ARHGAP31: variants seen among roughly 807,000 people sequenced by gnomAD.
The protein encoded by ARHGAP31 is Rho GTPase activating protein 31.
Under a neutral mutation model 113.9 loss-of-function variants are expected in ARHGAP31, and 34 were observed. The ratio of observed to expected loss-of-function variants is 0.30; its 90% CI spans 0.23 to 0.40. The LOEUF (loss-of-function observed/expected upper bound fraction) is 0.40, where lower values mean the gene tolerates loss of function less well. ARHGAP31 is among the 10% of genes least tolerant of loss of function. The probability of loss-of-function intolerance (pLI) is 1.00; values close to 1 mark genes in which losing one functional copy is unlikely to be tolerated. For missense variants in ARHGAP31, 1,548 were observed against 1,767.1 expected (o/e 0.88, Z 2.22); for synonymous variants, 650 against 684.8 (o/e 0.95, Z 0.79).
intron 7 of ARHGAP31, among the ~76,000 whole-genome samples, chr3:119,393,144 C>T (rs529966818): frequency 6.6e-6 from 1 of 152,274 alleles, no homozygotes; most frequent in African/African-American, 2.4e-5. Context: ...TCAGAATTCC[C>T]AGAATTGTGT....
chr3:119,294,825 C>A lies in ARHGAP31; in HGVS notation c.-80C>A, dbSNP rs1258364676. On this transcript the variant is annotated 5_prime_UTR_variant, in exon 1 of 12. Coordinates refer to ENST00000264245, the MANE Select transcript of ARHGAP31 (RefSeq NM_020754.4). ...CCAGAGCCGCGGGGCAGCCGGTGAT[C>A]TAGCCCGGGAGCCCATCTTACAGCG... The A allele has an allele frequency of 8.2e-6, 11 of 1,345,382 alleles. No individual in the cohort carries two copies. Among genetic ancestry groups the A allele is most frequent in the Non-Finnish European group, 4.3e-6 (4 of 938,100 alleles). The allele number at this position is 1,345,382 out of a possible 1,614,324, so 83.3% of individuals were successfully genotyped here.
chr3:119,381,822 C>T (rs900887908), intron 4 of ARHGAP31, among the ~76,000 whole-genome samples: 9 of 151,800 alleles, frequency 5.9e-5, no homozygotes, highest in Non-Finnish European at 1.2e-4. Flanking sequence ...CCGTCTCTAC[C>T]AAAAATACAA....
intron 9 of ARHGAP31, among the ~76,000 whole-genome samples, chr3:119,399,650 A>G (rs11715698): frequency 0.31 from 47,378 of 152,254 alleles, 8,816 homozygotes; most frequent in East Asian, 0.42. Context: ...CTAGAGGCCT[A>G]TGTATCTTGA....
Position 119,414,639 on chromosome 3 carries a change from A to G in ARHGAP31, c.2710A>G (p.Met904Val). ...VTDIAQHGLE[M>V]VEPWEEPQWV... ...AGACATTGCCCAGCATGGCCTGGAG[A>G]TGGTGGAGCCCTGGGAGGAACCCCA... The change falls in exon 12 of 12, where the codon ATG becomes GTG. Residue 904 changes from methionine (M) to valine (V), a missense_variant. Transcript: ENST00000264245. 6.2e-7 allele frequency: 1 copy of G among 1,614,148 alleles called. No individual in the cohort carries two copies. The highest frequency in any genetic ancestry group is 1.3e-5 in the African/African-American group (1 of 75,032).
At chr3:119,380,849 A>G in intron 3 of ARHGAP31, 55 bp from the exon 4 acceptor site, 1 of 1,471,594 alleles carries the variant, frequency 6.8e-7, no homozygotes, top group Non-Finnish European at 9.5e-7. Flanking sequence ...GCACATGCAG[A>G]TGGCTGTCCC....
intron 1 of ARHGAP31, among the ~76,000 whole-genome samples, chr3:119,326,205 A>C (rs1260778985): frequency 1.3e-5 from 2 of 152,164 alleles, no homozygotes; most frequent in East Asian, 3.8e-4. Context: ...AAATAAAAGT[A>C]ATAATAATAA....
chr3:119,321,844 G>A (rs970902056), intron 1 of ARHGAP31, among the ~76,000 whole-genome samples: 2 of 152,104 alleles, frequency 1.3e-5, no homozygotes, highest in African/African-American at 2.4e-5. Context: ...GTGGAGACGG[G>A]GTTTCGCCAT....
intron 3 of ARHGAP31, among the ~76,000 whole-genome samples, chr3:119,376,502 C>T (rs1299313801): frequency 2.0e-5 from 3 of 152,300 alleles, no homozygotes. Context: ...CTCCACATGT[C>T]CCCTAAGCAA....
intron 1 of ARHGAP31, among the ~76,000 whole-genome samples, chr3:119,300,175 C>T (rs958160700): frequency 5.3e-5 from 8 of 152,202 alleles, no homozygotes; most frequent in African/African-American, 1.9e-4. Flanking sequence ...AGTGTCCTCA[C>T]TCATGAAATG....
At chr3:119,323,458 T>G (rs184517417) in intron 1 of ARHGAP31, among the ~76,000 whole-genome samples, 1 of 152,328 alleles carries the variant, frequency 6.6e-6, no homozygotes, top group Non-Finnish European at 1.5e-5. Flanking sequence ...GGGCTTGGCT[T>G]TGCTTTGCGT....
At chr3:119,339,906 A>G (rs2079992762) in intron 1 of ARHGAP31, among the ~76,000 whole-genome samples, 1 of 152,218 alleles carries the variant, frequency 6.6e-6, no homozygotes, top group African/African-American at 2.4e-5. Flanking sequence ...ATGACCCACA[A>G]AGGGAAAAAT....
At position 119,402,591 on chromosome 3, in the gene ARHGAP31, T is replaced by C. The variant is rs1227234533; in HGVS notation, c.1645+194T>C. On this transcript the variant is annotated intron_variant, in intron 10 of 11. Coordinates refer to ENST00000264245, the MANE Select transcript of ARHGAP31 (RefSeq NM_020754.4). Reference sequence around the variant, plus strand: ...AATGTAACCACTCTGTGCCTCGGTTTCTTAATCTGTAAAATGGGAATAATT... The same window carrying C: ...AATGTAACCACTCTGTGCCTCGGTTCCTTAATCTGTAAAATGGGAATAATT... Among the ~76,000 whole-genome samples, 3 of 152,370 alleles carry C rather than the reference T, an allele frequency of 2.0e-5. No homozygotes were observed. In the East Asian group the frequency reaches 5.8e-4, roughly 29 times the overall value.
At chr3:119,336,010 TA>T (rs1231009249) in intron 1 of ARHGAP31, among the ~76,000 whole-genome samples, 9 of 151,874 alleles carry the variant, frequency 5.9e-5, no homozygotes, top group Admixed American at 5.9e-4. Context: ...CCCTCTCTAC[TA>T]AAAATACAAA....
chr3:119,308,471 CCTTCCTCCATCTGTCTT>C (rs1366090050), intron 1 of ARHGAP31, among the ~76,000 whole-genome samples: 2 of 152,216 alleles, frequency 1.3e-5, no homozygotes, highest in African/African-American at 4.8e-5. Context: ...GCTTATGGCA[CCTTCCTCCATCTGTCTT>C]CAAAGCCAAC....
At chr3:119,376,179 A>T (rs1048947256) in intron 3 of ARHGAP31, among the ~76,000 whole-genome samples, 20 of 152,220 alleles carry the variant, frequency 1.3e-4, no homozygotes, top group Non-Finnish European at 1.9e-4. Flanking sequence ...TTTGTTGACT[A>T]GCAACTATCA....
chr3:119,340,098 A>G (rs1461518255), intron 1 of ARHGAP31, among the ~76,000 whole-genome samples: 1 of 152,270 alleles, frequency 6.6e-6, no homozygotes, highest in Non-Finnish European at 1.5e-5. Context: ...TAATCTAATT[A>G]GAAAATGTGC....
chr3:119,352,017 A>G (rs534789010), intron 1 of ARHGAP31, among the ~76,000 whole-genome samples: 1 of 152,310 alleles, frequency 6.6e-6, no homozygotes, highest in Non-Finnish European at 1.5e-5. Context: ...CAGCAGCCCC[A>G]TGGAGTGAGT....
chr3:119,373,989 A>G (rs2080326830), intron 3 of ARHGAP31, among the ~76,000 whole-genome samples: 1 of 152,250 alleles, frequency 6.6e-6, no homozygotes, highest in South Asian at 2.1e-4. Context: ...TTTGGAGAGT[A>G]CATGTCTAAC....
intron 1 of ARHGAP31, among the ~76,000 whole-genome samples, chr3:119,310,695 C>G (rs1309321079): frequency 6.6e-6 from 1 of 152,204 alleles, no homozygotes; most frequent in Non-Finnish European, 1.5e-5. Context: ...GAAAAGTTGT[C>G]TTCCACGAAA....
Sources: gnomAD v4.1 joint callset for allele counts (sites outside exome capture counted in the v4.1 genomes callset) on GRCh38, gnomAD v4.1.1 for gene constraint, MANE v1.5 for transcripts, NCBI Gene and HGNC (gene_info 2026-07-23, HGNC 2026-07-21) for gene names.